The following UBE2D2 variants were observed in gnomAD, a reference collection of about 807,000 sequenced individuals.
UBE2D2 encodes ubiquitin conjugating enzyme E2 D2, also known as ubiquitin-conjugating enzyme E2 D2.
UBE2D2 carries 2 observed loss-of-function variants against 24.2 expected under a neutral mutation model. That is an observed-to-expected ratio of 0.08 (90% CI 0.03 to 0.26). The LOEUF (loss-of-function observed/expected upper bound fraction) is 0.26, where lower values mean the gene tolerates loss of function less well. Ranked by LOEUF, UBE2D2 falls within the 10% of genes least tolerant of loss-of-function variation. The pLI, the probability that UBE2D2 is intolerant of heterozygous loss-of-function variation, is 1.00. For missense variants in UBE2D2, 44 were observed against 177.6 expected (o/e 0.25, Z 4.28); for synonymous variants, 58 against 56.5 (o/e 1.03, Z -0.12).
chr5:139,561,831 T>G lies in UBE2D2; in HGVS notation c.24+16T>G, dbSNP rs1382825427. 3 of 1,452,838 alleles carry G rather than the reference T, an allele frequency of 2.1e-6. No homozygotes were observed. The highest frequency in any genetic ancestry group is 2.7e-6 in the Non-Finnish European group (3 of 1,105,160). The allele number at this position is 1,452,838 out of a possible 1,614,324, so 90.0% of individuals were successfully genotyped here. On this transcript the variant is annotated intron_variant, in intron 1 of 6. Transcript: ENST00000398733. ...AATCCACAAGGTAAGCGGCCGGAGG[T>G]CGGCTGCGCTGCTGGCCAGCTGAGC...
intron 5 of UBE2D2, among the ~76,000 whole-genome samples, chr5:139,621,860 C>T (rs189296121): frequency 6.6e-6 from 1 of 152,278 alleles, no homozygotes; most frequent in Non-Finnish European, 1.5e-5. Context: ...TGGCCTGAAG[C>T]GATCCTTCTG....
chr5:139,540,492 G>A (rs571515351), intron 1 of UBE2D2, among the ~76,000 whole-genome samples: 1 of 143,416 alleles, frequency 7.0e-6, no homozygotes, highest in African/African-American at 2.7e-5. Flanking sequence ...CTTGCAGTGA[G>A]CCAAGATTGT....
At chr5:139,538,106 C>T (rs976965087) in intron 1 of UBE2D2, among the ~76,000 whole-genome samples, 1 of 152,034 alleles carries the variant, frequency 6.6e-6, no homozygotes, top group Non-Finnish European at 1.5e-5. Flanking sequence ...GATCTTGGCT[C>T]ACTGCAACCC....
chr5:139,618,978 A>G (rs1451515104), intron 5 of UBE2D2, among the ~76,000 whole-genome samples: 1 of 152,150 alleles, frequency 6.6e-6, no homozygotes, highest in Non-Finnish European at 1.5e-5. Context: ...CGTGATGGGG[A>G]CCTAAATATT....
chr5:139,558,540 G>A (rs1256019221), upstream of UBE2D2, among the ~76,000 whole-genome samples: 6 of 152,166 alleles, frequency 3.9e-5, no homozygotes, highest in South Asian at 8.3e-4. Context: ...CGCCCGCCTC[G>A]GCCTCCCAAA....
chr5:139,596,326 C>T (rs1252286997), intron 1 of UBE2D2, among the ~76,000 whole-genome samples: 1 of 151,710 alleles, frequency 6.6e-6, no homozygotes, highest in African/African-American at 2.4e-5. Context: ...CAGAGTCTCG[C>T]TCTGTCACCC....
intron 6 of UBE2D2, among the ~76,000 whole-genome samples, chr5:139,626,257 A>T (rs749271420): frequency 3.9e-5 from 6 of 151,986 alleles, no homozygotes; most frequent in Non-Finnish European, 8.8e-5. Context: ...TTTTGTAGAG[A>T]CAGGGTTTTA....
At chr5:139,545,444 T>G (rs1581483032) in intron 1 of UBE2D2, among the ~76,000 whole-genome samples, 1 of 125,238 alleles carries the variant, frequency 8.0e-6, no homozygotes, top group East Asian at 2.3e-4. Context: ...AATTTTTTTT[T>G]GTGGTGGAGT....
At chr5:139,534,613 G>A (rs1752641921) in intron 1 of UBE2D2, among the ~76,000 whole-genome samples, 1 of 151,658 alleles carries the variant, frequency 6.6e-6, no homozygotes, top group Non-Finnish European at 1.5e-5. Flanking sequence ...GCACATGTCT[G>A]TAATCCCAGC....
In UBE2D2 at chr5:139,583,574, C is replaced by T. The variant is rs1753653343; in HGVS notation, c.25-16798C>T. Among the ~76,000 whole-genome samples, 3 of 151,958 alleles carry T rather than the reference C, an allele frequency of 2.0e-5. No homozygotes were observed. In the South Asian group the frequency reaches 6.2e-4, roughly 32 times the overall value. On this transcript the variant is annotated intron_variant, in intron 1 of 6. Transcript: ENST00000398733. ...GACAGGAGTTCGAGACCAACCTGGC[C>T]AACAAGGTGAAACCCTGTCTCTATT...
chr5:139,606,689 A>G (rs977800942), intron 2 of UBE2D2, among the ~76,000 whole-genome samples: 2 of 152,198 alleles, frequency 1.3e-5, no homozygotes, highest in African/African-American at 4.8e-5. Context: ...CATTAAATGA[A>G]AGATTTTTGA....
chr5:139,548,404 G>C (rs538052131), intron 1 of UBE2D2, among the ~76,000 whole-genome samples: 3 of 151,778 alleles, frequency 2.0e-5, no homozygotes, highest in African/African-American at 7.2e-5. Context: ...ATTGCTACAC[G>C]GAGTGTGGGC....
chr5:139,579,065 T>C (rs1473187802), intron 1 of UBE2D2, among the ~76,000 whole-genome samples: 1 of 152,214 alleles, frequency 6.6e-6, no homozygotes, highest in Non-Finnish European at 1.5e-5. Context: ...CCTCCCAGGT[T>C]CAAGTGATTC....
intron 1 of UBE2D2, among the ~76,000 whole-genome samples, chr5:139,529,389 G>A (rs1752576092): frequency 6.6e-6 from 1 of 152,120 alleles, no homozygotes; most frequent in Non-Finnish European, 1.5e-5. Flanking sequence ...GCTATTAATA[G>A]TAAACAGCAT....
intron 1 of UBE2D2, among the ~76,000 whole-genome samples, chr5:139,576,421 CTT>C (rs2126660337): frequency 6.6e-6 from 1 of 151,166 alleles, no homozygotes; most frequent in East Asian, 1.9e-4. Context: ...CTGTGTGTGT[CTT>C]CTCTTTTGTG....
intron 1 of UBE2D2, among the ~76,000 whole-genome samples, chr5:139,568,986 T>TA (rs1002746931): frequency 5.3e-5 from 8 of 151,894 alleles, no homozygotes; most frequent in Admixed American, 5.2e-4. Flanking sequence ...GAAAAAAAAA[T>TA]ACTGTACTAG....
chr5:139,626,912 C>T lies in UBE2D2; in HGVS notation c.*111C>T. 2 of 846,656 alleles carry T rather than the reference C, an allele frequency of 2.4e-6. No individual in the cohort carries two copies. Among genetic ancestry groups the T allele is most frequent in the Non-Finnish European group, 3.8e-6 (2 of 526,464 alleles). The allele number at this position is 846,656 out of a possible 1,614,324, so 52.4% of individuals were successfully genotyped here. A position where few individuals can be genotyped will look rare whatever the true frequency, so the allele number is the denominator to read the frequency against. ...TCTATGAGCCCACGCCTCATCTTCC[C>T]CTGTGCACATGTTTACCTGATACAG... On this transcript the variant is annotated 3_prime_UTR_variant, in exon 7 of 7. Coordinates refer to ENST00000398733, the MANE Select transcript of UBE2D2 (RefSeq NM_003339.3).
At chr5:139,542,791 A>G (rs1250524409) in intron 1 of UBE2D2, among the ~76,000 whole-genome samples, 1 of 152,252 alleles carries the variant, frequency 6.6e-6, no homozygotes, top group Non-Finnish European at 1.5e-5. Flanking sequence ...AATAAATTCT[A>G]CACATGCTAC....
chr5:139,586,411 T>C (rs1753725672), intron 1 of UBE2D2, among the ~76,000 whole-genome samples: 1 of 152,160 alleles, frequency 6.6e-6, no homozygotes, highest in African/African-American at 2.4e-5. Flanking sequence ...ACTAACACCC[T>C]CCACCCCCTC....
Sources: allele counts gnomAD v4.1 joint callset (sites outside exome capture counted in the v4.1 genomes callset), GRCh38; gene constraint gnomAD v4.1.1; transcripts MANE v1.5; gene names NCBI Gene and HGNC (gene_info 2026-07-23, HGNC 2026-07-21).